The following GPC3 variants were observed in gnomAD, a reference collection of about 807,000 sequenced individuals.
GPC3 encodes glypican-3.
A neutral mutation model predicts 34.4 loss-of-function variants in GPC3; 3 were observed. That is an observed-to-expected ratio of 0.09 (90% CI 0.04 to 0.23). GPC3 has a LOEUF of 0.23. Ranked by LOEUF, GPC3 falls within the 10% of genes least tolerant of loss-of-function variation. GPC3 has a pLI of 1.00. For synonymous variants in GPC3, 177 were observed against 174.0 expected (o/e 1.02, Z -0.13); for missense variants, 351 against 445.6 (o/e 0.79, Z 1.91).
At chrX:133,615,395 AAATC>A (rs1239171771) in intron 6 of GPC3, among the ~76,000 whole-genome samples, 3 of 111,826 alleles carry the variant, frequency 2.7e-5, no homozygotes, top group Non-Finnish European at 5.6e-5. Flanking sequence ...GAGTATATGA[AAATC>A]AATCAATGTA....
At chrX:133,909,541 C>T (rs1226085422) in intron 2 of GPC3, among the ~76,000 whole-genome samples, 1 of 111,249 alleles carries the variant, frequency 9.0e-6, no homozygotes, top group Non-Finnish European at 1.9e-5. Context: ...TCCTTTTTGC[C>T]TTTAGATTCT....
intron 2 of GPC3, among the ~76,000 whole-genome samples, chrX:133,768,209 G>A (rs957629930): frequency 4.5e-5 from 5 of 111,016 alleles, no homozygotes; most frequent in African/African-American, 6.6e-5. Flanking sequence ...ATACGCAGAG[G>A]GGGAAGAGTT....
At chrX:133,891,024 G>C (rs1019569098) in intron 2 of GPC3, among the ~76,000 whole-genome samples, 10 of 109,223 alleles carry the variant, frequency 9.2e-5, no homozygotes, top group African/African-American at 3.3e-4. Flanking sequence ...GAGGGACACT[G>C]TCTCTTAAAA....
At chrX:133,645,639 G>C (rs950667330) in intron 6 of GPC3, among the ~76,000 whole-genome samples, 1 of 111,086 alleles carries the variant, frequency 9.0e-6, no homozygotes, top group African/African-American at 3.3e-5. Context: ...TAGCAAACAT[G>C]GTGTTCTTTA....
At chrX:133,930,738 C>A (rs1057501740) in intron 2 of GPC3, among the ~76,000 whole-genome samples, 1 of 111,903 alleles carries the variant, frequency 8.9e-6, no homozygotes, top group Non-Finnish European at 1.9e-5. Flanking sequence ...TGGGTTCAAG[C>A]GATTCTCCTG....
chrX:133,732,646 C>T (rs2071472943), intron 3 of GPC3, among the ~76,000 whole-genome samples: 2 of 111,428 alleles, frequency 1.8e-5, no homozygotes, highest in African/African-American at 3.3e-5. Flanking sequence ...GATGGCTTCA[C>T]TCATCCTACC....
intron 2 of GPC3, among the ~76,000 whole-genome samples, chrX:133,899,244 C>G (rs1396958461): frequency 8.9e-6 from 1 of 112,009 alleles, no homozygotes; most frequent in East Asian, 2.8e-4. Flanking sequence ...GAACATCAGT[C>G]TCATATGGTG....
intron 3 of GPC3, among the ~76,000 whole-genome samples, chrX:133,721,088 G>A (rs922940119): frequency 1.9e-5 from 2 of 103,469 alleles, no homozygotes; most frequent in Non-Finnish European, 3.8e-5. Context: ...AGTAACTTAA[G>A]CTTCTACCTT....
rs148592995 is a variant in GPC3, at chrX:133,653,897, T to C, written c.1413+7833A>G. On this transcript the variant is annotated intron_variant, in intron 6 of 7. Transcript: ENST00000370818. ...TTTGGAAGCAGAGCAAATGGCACTA[T>C]AGAATATTAACCTGTTCATTTCCCA... is the stretch of plus-strand genomic sequence containing the variant. 8.6e-4 allele frequency among the ~76,000 whole-genome samples: 96 copies of C among 111,602 alleles called. No individual in the cohort carries two copies. In the East Asian group the frequency reaches 0.015, roughly 18 times the overall value.
At chrX:133,805,201 G>C (rs972528532) in intron 2 of GPC3, among the ~76,000 whole-genome samples, 28 of 111,846 alleles carry the variant, frequency 2.5e-4, no homozygotes, top group African/African-American at 8.5e-4. Flanking sequence ...ATATAAAGTG[G>C]GCAAAAATCA....
intron 3 of GPC3, among the ~76,000 whole-genome samples, chrX:133,741,075 G>A (rs1420425143): frequency 9.1e-6 from 1 of 109,419 alleles, no homozygotes; most frequent in Non-Finnish European, 1.9e-5. Flanking sequence ...GAGAGGTTAT[G>A]CTCTCTCTCT....
chrX:133,808,586 A>G (rs1460931557), intron 2 of GPC3, among the ~76,000 whole-genome samples: 1 of 111,681 alleles, frequency 9.0e-6, no homozygotes, highest in African/African-American at 3.3e-5. Context: ...GTATGGTGTC[A>G]TGGAAAAAGT....
chrX:133,844,733 C>G lies in GPC3; in HGVS notation c.338-90557G>C, dbSNP rs184805017. Among the ~76,000 whole-genome samples the G allele has an allele frequency of 1.2e-3, 139 of 112,286 alleles. 3 individuals are homozygous for G. The East Asian group carries it at 0.028, about 23-fold the overall frequency. On this transcript the variant is annotated intron_variant, in intron 2 of 7. Coordinates refer to ENST00000370818, the MANE Select transcript of GPC3 (RefSeq NM_004484.4). ...ACTCCCAACACATCCCCTCACCCTC[C>G]GCTGCTACCTACAGTGGAGATTATA...
chrX:133,577,567 G>T (rs2069696644), intron 7 of GPC3, among the ~76,000 whole-genome samples: 1 of 111,246 alleles, frequency 9.0e-6, no homozygotes, highest in Admixed American at 9.6e-5. Context: ...GAGGTGCTCT[G>T]GGGGAGTCTG....
At chrX:133,885,600 G>A (rs1271482700) in intron 2 of GPC3, among the ~76,000 whole-genome samples, 3 of 111,515 alleles carry the variant, frequency 2.7e-5, no homozygotes, top group Non-Finnish European at 5.6e-5. Flanking sequence ...GTATTCTGAT[G>A]AGAATTACAG....
chrX:133,830,506 C>A (rs1443694870), intron 2 of GPC3, among the ~76,000 whole-genome samples: 1 of 108,673 alleles, frequency 9.2e-6, no homozygotes, highest in Non-Finnish European at 1.9e-5. Flanking sequence ...TGCAAAACTC[C>A]ATCTCTACCA....
intron 3 of GPC3, among the ~76,000 whole-genome samples, chrX:133,745,748 G>C (rs917588633): frequency 1.8e-5 from 2 of 112,261 alleles, no homozygotes; most frequent in African/African-American, 6.5e-5. Context: ...CAAAAGCATT[G>C]AGAACTTGAA....
chrX:133,662,913 T>C (rs192228389), intron 5 of GPC3, among the ~76,000 whole-genome samples: 2 of 110,790 alleles, frequency 1.8e-5, no homozygotes, highest in Admixed American at 9.7e-5. Context: ...AAGGGCAAAA[T>C]TGATATCTGT....
At chrX:133,848,290 T>TG (rs764222139) in intron 2 of GPC3, among the ~76,000 whole-genome samples, 1 of 111,571 alleles carries the variant, frequency 9.0e-6, no homozygotes, top group African/African-American at 3.3e-5. Context: ...AGATTGGAGT[T>TG]GGGGGAGTGG....
Sources: gnomAD v4.1 joint callset for allele counts (sites outside exome capture counted in the v4.1 genomes callset) on GRCh38, gnomAD v4.1.1 for gene constraint, MANE v1.5 for transcripts, NCBI Gene and HGNC (gene_info 2026-07-23, HGNC 2026-07-21) for gene names.